NCOA3: variants seen among roughly 807,000 people sequenced by gnomAD.
NCOA3 encodes CBP-interacting protein.
In NCOA3, 51 loss-of-function variants were observed where a neutral mutation model predicts 158.8. The observed-to-expected ratio is 0.32, with a 90% CI of 0.26 to 0.41. NCOA3 has a LOEUF of 0.41. Ranked by LOEUF, NCOA3 falls within the 10% of genes least tolerant of loss-of-function variation. The pLI is 1.00. For synonymous variants in NCOA3, 537 were observed against 592.4 expected (o/e 0.91, Z 1.36); for missense variants, 1,510 against 1,746.6 (o/e 0.86, Z 2.41).
intron 2 of NCOA3, among the ~76,000 whole-genome samples, chr20:47,612,616 G>C (rs1169436560): frequency 6.6e-6 from 1 of 152,240 alleles, no homozygotes; most frequent in Non-Finnish European, 1.5e-5. Flanking sequence ...GGTGGTGATT[G>C]ATGAGGAAGA....
At chr20:47,616,131 C>A (rs1213447695) in intron 2 of NCOA3, among the ~76,000 whole-genome samples, 4 of 135,248 alleles carry the variant, frequency 3.0e-5, no homozygotes, top group Non-Finnish European at 6.4e-5. Flanking sequence ...GCACTCCACC[C>A]GCCCCCCGCC....
chr20:47,533,998 T>A (rs2084592707), intron 1 of NCOA3, among the ~76,000 whole-genome samples: 1 of 151,572 alleles, frequency 6.6e-6, no homozygotes, highest in African/African-American at 2.4e-5. Flanking sequence ...GTTAGAGTAA[T>A]CCATGTTGGT....
intron 1 of NCOA3, among the ~76,000 whole-genome samples, chr20:47,549,560 CAA>C (rs763889456): frequency 2.4e-3 from 133 of 55,134 alleles, no homozygotes; most frequent in African/African-American, 5.2e-3. Flanking sequence ...GACTCTGTCT[CAA>C]AAAAAAAAAA....
intron 1 of NCOA3, among the ~76,000 whole-genome samples, chr20:47,522,315 G>T (rs992305058): frequency 1.3e-5 from 2 of 151,578 alleles, no homozygotes; most frequent in Non-Finnish European, 2.9e-5. Context: ...TGTTAGCCAG[G>T]ATGGTCTCGA....
At chr20:47,538,023 G>A (rs1427083887) in intron 1 of NCOA3, among the ~76,000 whole-genome samples, 2 of 152,004 alleles carry the variant, frequency 1.3e-5, no homozygotes, top group South Asian at 2.1e-4. Flanking sequence ...GGGATTACAG[G>A]TGCCTGCCAC....
intron 1 of NCOA3, among the ~76,000 whole-genome samples, chr20:47,578,279 G>A (rs1174986885): frequency 6.6e-6 from 1 of 152,126 alleles, no homozygotes; most frequent in Admixed American, 6.6e-5. Flanking sequence ...TCTGCCTACG[G>A]GGTTCAAGCG....
chr20:47,602,145 A>G (rs2085874957), intron 2 of NCOA3, among the ~76,000 whole-genome samples: 1 of 152,214 alleles, frequency 6.6e-6, no homozygotes, highest in Non-Finnish European at 1.5e-5. Context: ...TATCTTTTAT[A>G]GTTTCTGTGC....
At position 47,654,751 on chromosome 20, in the gene NCOA3, A is replaced by G. The variant is rs1490156639; in HGVS notation, c.*1334A>G. 1 of 152,212 alleles carries G rather than the reference A, an allele frequency of 6.6e-6. No individual in the cohort carries two copies. Among genetic ancestry groups the G allele is most frequent in the East Asian group, 1.9e-4 (1 of 5,206 alleles). 9.4% of individuals were successfully genotyped at this position (152,212 alleles called of 1,614,324 possible). On this transcript the variant is annotated 3_prime_UTR_variant, in exon 23 of 23. Coordinates refer to ENST00000371998, the MANE Select transcript of NCOA3 (RefSeq NM_181659.3). ...TTGGGGGGAAAGAATAGATATGGGGAAATAAACTTAAAAAAAAATCAGGAA... is the reference window on the plus strand; with the variant it reads ...TTGGGGGGAAAGAATAGATATGGGGGAATAAACTTAAAAAAAAATCAGGAA...
rs1464221004 is a variant in NCOA3 at position 47,642,251 on chromosome 20, C to T, written c.3119C>T (p.Pro1040Leu). The change falls in exon 17 of 23, where the codon CCA (proline) becomes CTA (leucine). Residue 1040 changes from proline to leucine, a missense_variant. This residue lies in a region of NCOA3 where 1,017 missense variants were observed against 1,098.3 expected (regional missense o/e 0.93). Coordinates refer to ENST00000371998, the MANE Select transcript of NCOA3 (RefSeq NM_181659.3). ...AATTCCCTGGATGATCTTGTTGGGCCACCTTCCAACCTGGAAGGCCAGAGT... is the reference window on the plus strand; with the variant it reads ...AATTCCCTGGATGATCTTGTTGGGCTACCTTCCAACCTGGAAGGCCAGAGT... ...LRNSLDDLVG[P>L]PSNLEGQSDE... is the part of the protein sequence containing the mutation. 2 of 1,606,726 alleles carry T rather than the reference C, an allele frequency of 1.2e-6. No homozygotes were observed. The highest frequency in any genetic ancestry group is 2.2e-5 in the East Asian group (1 of 44,714).
chr20:47,524,978 C>CA (rs2084404390), intron 1 of NCOA3, among the ~76,000 whole-genome samples: 1 of 149,552 alleles, frequency 6.7e-6, no homozygotes, highest in East Asian at 2.0e-4. Context: ...GTGTTTCTCG[C>CA]AGAGGGGGAT....
At chr20:47,551,008 T>C (rs1250216391) in intron 1 of NCOA3, among the ~76,000 whole-genome samples, 1 of 152,128 alleles carries the variant, frequency 6.6e-6, no homozygotes, top group Non-Finnish European at 1.5e-5. Flanking sequence ...TATATCTTTT[T>C]TCAGATATAG....
rs1326528573 is a variant in NCOA3 at position 47,527,994 on chromosome 20, G to GA, written c.-99+25982dup. Among the ~76,000 whole-genome samples the GA allele has an allele frequency of 2.6e-5, 4 of 151,982 alleles. No homozygotes were observed. The East Asian group carries it at 5.8e-4, about 22-fold the overall frequency. ...TTCTTAGAAAAAACTGAGTTCTTAG[G>GA]AAAAAAACTCATTTTTTTAAATGTT... On this transcript the variant is annotated intron_variant, in intron 1 of 22. Coordinates refer to ENST00000371998, the MANE Select transcript of NCOA3 (RefSeq NM_181659.3).
intron 1 of NCOA3, among the ~76,000 whole-genome samples, chr20:47,562,716 C>T (rs2085127324): frequency 6.6e-6 from 1 of 152,072 alleles, no homozygotes; most frequent in Non-Finnish European, 1.5e-5. Flanking sequence ...ATAGCAATCA[C>T]TTTGGAAAAT....
chr20:47,628,743 A>G (rs1306662548), intron 8 of NCOA3: 1 of 152,182 alleles, frequency 6.6e-6, no homozygotes, highest in Non-Finnish European at 1.5e-5. Context: ...CCTGAGTTTC[A>G]ATCTTGGTCT....
intron 12 of NCOA3, among the ~76,000 whole-genome samples, 193 bp downstream of exon 12, chr20:47,636,955 T>A (rs2086525836): frequency 6.6e-6 from 1 of 152,216 alleles, no homozygotes; most frequent in Non-Finnish European, 1.5e-5. Context: ...TGTTTTAAGA[T>A]GTGACTATAA....
At chr20:47,591,354 A>T (rs1477807603) in intron 2 of NCOA3, among the ~76,000 whole-genome samples, 3 of 152,236 alleles carry the variant, frequency 2.0e-5, no homozygotes, top group African/African-American at 7.2e-5. Context: ...AGTATTTCAT[A>T]AATTATCAAG....
intron 1 of NCOA3, among the ~76,000 whole-genome samples, chr20:47,537,583 T>G (rs1017101131): frequency 1.1e-4 from 15 of 136,154 alleles, no homozygotes; most frequent in East Asian, 8.1e-4. Context: ...TTACATAGGG[T>G]TTTTTTTTTT....
chr20:47,520,886 A>G (rs1239776467), intron 1 of NCOA3, among the ~76,000 whole-genome samples: 1 of 152,234 alleles, frequency 6.6e-6, no homozygotes, highest in East Asian at 1.9e-4. Context: ...GCCCTAAGCC[A>G]TATGAGGTAG....
At chr20:47,572,020 A>C (rs1201717724) in intron 1 of NCOA3, among the ~76,000 whole-genome samples, 1 of 152,066 alleles carries the variant, frequency 6.6e-6, no homozygotes, top group Non-Finnish European at 1.5e-5. Context: ...GAGCCACTAC[A>C]CCTGGCCCTT....
Sources: gnomAD v4.1 joint callset for allele counts (sites outside exome capture counted in the v4.1 genomes callset) on GRCh38, gnomAD v4.1.1 for gene constraint, gnomAD v4.1.1 regional missense constraint, MANE v1.5 for transcripts, NCBI Gene and HGNC (gene_info 2026-07-23, HGNC 2026-07-21) for gene names.